Variants in CCDC178 observed in about 807,000 individuals in gnomAD.
CCDC178 encodes the protein coiled-coil domain-containing protein 178.
Under a neutral mutation model 117.4 loss-of-function variants are expected in CCDC178, and 126 were observed. The observed-to-expected ratio is 1.07, with a 90% CI of 0.93 to 1.24. The LOEUF (loss-of-function observed/expected upper bound fraction) is 1.24. Ranked by LOEUF, CCDC178 falls within the 50% of genes most tolerant of loss-of-function variation. The probability of loss-of-function intolerance (pLI) is 0.00; values close to 1 mark genes in which losing one functional copy is unlikely to be tolerated. For missense variants in CCDC178, 1,030 were observed against 986.9 expected, an observed-to-expected ratio of 1.04 and a Z score of -0.59; for synonymous variants, 283 against 313.4, an observed-to-expected ratio of 0.90 and a Z score of 1.02.
intron 20 of CCDC178, among the ~76,000 whole-genome samples, chr18:33,125,109 A>C (rs796383494): frequency 6.6e-6 from 1 of 152,102 alleles, no homozygotes; most frequent in African/African-American, 2.4e-5. Context: ...TCTATTTCCC[A>C]GTTTACACTC....
intron 20 of CCDC178, among the ~76,000 whole-genome samples, chr18:33,134,118 G>A (rs1031808254): frequency 6.6e-6 from 1 of 151,888 alleles, no homozygotes; most frequent in African/African-American, 2.4e-5. Flanking sequence ...GTTTGCACCT[G>A]AGCGGTAAGT....
chr18:33,290,835 A>G (rs550276138), intron 12 of CCDC178, among the ~76,000 whole-genome samples: 1 of 152,112 alleles, frequency 6.6e-6, no homozygotes, highest in South Asian at 2.1e-4. Flanking sequence ...GATAGCACTG[A>G]TTATAAATAT....
chr18:33,193,778 C>A (rs2058891832), intron 20 of CCDC178, among the ~76,000 whole-genome samples: 1 of 152,116 alleles, frequency 6.6e-6, no homozygotes. Context: ...TATATTCATT[C>A]ATTTGCATAC....
At chr18:33,136,348 T>C (rs534765712) in intron 20 of CCDC178, among the ~76,000 whole-genome samples, 11 of 152,264 alleles carry the variant, frequency 7.2e-5, no homozygotes, top group African/African-American at 2.4e-4. Flanking sequence ...AGTTAGAAGA[T>C]GTCTACCTCT....
intron 14 of CCDC178, among the ~76,000 whole-genome samples, chr18:33,245,915 C>G (rs930234082): frequency 2.0e-5 from 3 of 151,786 alleles, no homozygotes; most frequent in Non-Finnish European, 4.4e-5. Context: ...AGATATTTTG[C>G]AGCATCTTCC....
Position 33,403,926 on chromosome 18 carries a change from T to C in CCDC178, c.59-6718A>G, listed in dbSNP as rs929351193. Among the ~76,000 whole-genome samples, 4 of 152,222 alleles carry C rather than the reference T, an allele frequency of 2.6e-5. No individual in the cohort carries two copies. In the East Asian group the frequency reaches 5.8e-4, roughly 22 times the overall value. On this transcript the variant is annotated intron_variant, in intron 3 of 22. Transcript: ENST00000383096. ...TTTGAGGAATACTCCTTTCGACTTC[T>C]AGAAGAAGGGGAAAAGTAGTTATTT...
chr18:33,175,453 C>T (rs997059763), intron 20 of CCDC178, among the ~76,000 whole-genome samples: 2 of 151,890 alleles, frequency 1.3e-5, no homozygotes, highest in East Asian at 1.9e-4. Flanking sequence ...GATATCCTCC[C>T]GCCTCAGCCT....
chr18:33,165,179 TAAAACA>T (rs1473543203), intron 20 of CCDC178, among the ~76,000 whole-genome samples: 1 of 151,588 alleles, frequency 6.6e-6, no homozygotes, highest in Non-Finnish European at 1.5e-5. Context: ...TAATATGAAT[TAAAACA>T]AAAACAAAGA....
chr18:33,418,577 T>C (rs924731860), intron 2 of CCDC178, among the ~76,000 whole-genome samples: 2 of 146,710 alleles, frequency 1.4e-5, no homozygotes, highest in African/African-American at 5.1e-5. Context: ...CATTTCTATA[T>C]CTAAAAAAAA....
chr18:32,983,698 C>G (rs1250867767), intron 21 of CCDC178, among the ~76,000 whole-genome samples: 2 of 152,030 alleles, frequency 1.3e-5, no homozygotes, highest in East Asian at 3.9e-4. Context: ...ATAATGGTTA[C>G]AATTTCAATC....
At chr18:33,400,264 G>A (rs1304328232) in intron 3 of CCDC178, among the ~76,000 whole-genome samples, 2 of 151,894 alleles carry the variant, frequency 1.3e-5, no homozygotes, top group Non-Finnish European at 2.9e-5. Flanking sequence ...TTTTTAGAAT[G>A]GTAAATGAGC....
chr18:33,301,560 C>T (rs1292107408), intron 11 of CCDC178, among the ~76,000 whole-genome samples: 1 of 152,232 alleles, frequency 6.6e-6, no homozygotes, highest in Non-Finnish European at 1.5e-5. Flanking sequence ...CCTTGCAAAG[C>T]CACAAGAATG....
At chr18:33,226,640 G>T (rs767828433) in intron 16 of CCDC178, among the ~76,000 whole-genome samples, 153 bp downstream of exon 16, 1 of 152,202 alleles carries the variant, frequency 6.6e-6, no homozygotes, top group South Asian at 2.1e-4. Context: ...ACTGCTGGTT[G>T]TACACAGAGG....
intron 5 of CCDC178, among the ~76,000 whole-genome samples, chr18:33,383,707 G>T (rs1348433353): frequency 6.6e-6 from 1 of 151,956 alleles, no homozygotes. Flanking sequence ...CCCACCAAAG[G>T]TTATCAGCCT....
chr18:33,279,356 T>C (rs1361984159), intron 12 of CCDC178, among the ~76,000 whole-genome samples: 1 of 152,168 alleles, frequency 6.6e-6, no homozygotes, highest in East Asian at 1.9e-4. Context: ...CCATTCACAA[T>C]TGCTTCAAAG....
intron 20 of CCDC178, among the ~76,000 whole-genome samples, chr18:33,117,673 T>C (rs1598900681): frequency 2.0e-5 from 3 of 151,664 alleles, no homozygotes; most frequent in African/African-American, 7.3e-5. Context: ...TATACATATG[T>C]AACAAACCTG....
chr18:33,147,356 A>ATT (rs575608507), intron 20 of CCDC178, among the ~76,000 whole-genome samples: 161 of 94,610 alleles, frequency 1.7e-3, no homozygotes, highest in Non-Finnish European at 2.4e-3. Flanking sequence ...TGCCTTTTTA[A>ATT]TTTTTTTTTT....
intron 21 of CCDC178, among the ~76,000 whole-genome samples, chr18:33,044,096 T>C (rs775124771): frequency 6.6e-6 from 1 of 151,716 alleles, no homozygotes; most frequent in South Asian, 2.1e-4. Flanking sequence ...TTTGTGTGTG[T>C]ATGTATGTAT....
chr18:33,180,020 G>T (rs2058716875), intron 20 of CCDC178, among the ~76,000 whole-genome samples: 1 of 151,784 alleles, frequency 6.6e-6, no homozygotes, highest in Non-Finnish European at 1.5e-5. Flanking sequence ...ACATTTGCTT[G>T]GAGGCTATTC....
Sources: gnomAD v4.1 joint callset for allele counts (sites outside exome capture counted in the v4.1 genomes callset) on GRCh38, gnomAD v4.1.1 for gene constraint, MANE v1.5 for transcripts, NCBI Gene and HGNC (gene_info 2026-07-23, HGNC 2026-07-21) for gene names.